ZFHX3: variants seen among roughly 807,000 people sequenced by gnomAD.
ZFHX3 encodes zinc finger homeobox 3, also known as zinc finger homeobox protein 3.
Under a neutral mutation model 279.1 loss-of-function variants are expected in ZFHX3, and 42 were observed. The observed-to-expected ratio is 0.15, with a 90% CI of 0.12 to 0.19. The LOEUF is 0.19. ZFHX3 is among the 10% of genes least tolerant of loss of function. The pLI, the probability that ZFHX3 is intolerant of heterozygous loss-of-function variation, is 1.00. For synonymous variants in ZFHX3, 2,293 were observed against 1,957.8 expected (o/e 1.17, Z -4.52); for missense variants, 4,981 against 4,754.0 (o/e 1.05, Z -1.40).
rs1461987846 is a variant in ZFHX3 at position 72,872,543 on chromosome 16, C to T, written c.3448+17188G>A. ...GGTGATCTTGGCTCACTGCAACCTCCGTCTCCCGGGTTCAAGCAATTCTCA... is the reference window on the plus strand; with the variant it reads ...GGTGATCTTGGCTCACTGCAACCTCTGTCTCCCGGGTTCAAGCAATTCTCA... On this transcript the variant is annotated intron_variant, in intron 4 of 9. Transcript: ENST00000268489. Among the ~76,000 whole-genome samples, 8 of 152,102 alleles carry T rather than the reference C, an allele frequency of 5.3e-5. No homozygotes were observed. The East Asian group carries it at 5.8e-4, about 11-fold the overall frequency.
rs550635995 is a variant in ZFHX3 at position 73,656,637 on chromosome 16, G to A, written c.-1547+23543C>T. 5.3e-5 allele frequency among the ~76,000 whole-genome samples: 8 copies of A among 152,192 alleles called. No homozygotes were observed. In the South Asian group the frequency reaches 1.5e-3, roughly 28 times the overall value. Reference sequence around the variant, plus strand: ...CTGTGTTTTACATAATTTTCTGGTTGTATGCTAAATTTTTCACTTAAAGTA... The same window carrying A: ...CTGTGTTTTACATAATTTTCTGGTTATATGCTAAATTTTTCACTTAAAGTA... On this transcript the variant is annotated intron_variant, in intron 2 of 17. Coordinates refer to the ZFHX3 transcript ENST00000641206.
intron 7 of ZFHX3, among the ~76,000 whole-genome samples, chr16:73,113,743 G>A (rs1966403047): frequency 6.7e-6 from 1 of 149,946 alleles, no homozygotes; most frequent in Non-Finnish European, 1.5e-5. Flanking sequence ...TACATGGGCG[G>A]AAGGTTAAAA....
intron 3 of ZFHX3, among the ~76,000 whole-genome samples, chr16:73,370,703 G>C (rs1176202334): frequency 4.6e-5 from 7 of 152,180 alleles, no homozygotes; most frequent in Non-Finnish European, 1.0e-4. Context: ...ACGGTGCCAT[G>C]CACAGCTCAG....
intron 1 of ZFHX3, among the ~76,000 whole-genome samples, chr16:72,968,720 G>C (rs9923940): frequency 0.4 from 60,046 of 151,928 alleles, 12,274 homozygotes; most frequent in Non-Finnish European, 0.44. Flanking sequence ...ACCTCAGCCT[G>C]TCAAAGTGCT....
intron 5 of ZFHX3, among the ~76,000 whole-genome samples, chr16:73,154,771 T>C (rs1395045874): frequency 6.6e-6 from 1 of 151,930 alleles, no homozygotes; most frequent in Non-Finnish European, 1.5e-5. Context: ...CTACTAAAGA[T>C]GGGTGAAGAA....
At chr16:73,141,022 A>C (rs1403625289) in intron 6 of ZFHX3, among the ~76,000 whole-genome samples, 1 of 152,156 alleles carries the variant, frequency 6.6e-6, no homozygotes, top group Non-Finnish European at 1.5e-5. Flanking sequence ...CCATAGCATA[A>C]TCTTGTAATA....
At chr16:72,951,078 G>A in intron 2 of ZFHX3, 113 bp from the exon 3 acceptor site, 1 of 1,442,894 alleles carries the variant, frequency 6.9e-7, no homozygotes, top group Non-Finnish European at 9.3e-7. Flanking sequence ...AGGAGAAGAT[G>A]ACATTTCAAG....
At chr16:73,697,391 C>G (rs1263980716) in intron 1 of ZFHX3, among the ~76,000 whole-genome samples, 1 of 152,146 alleles carries the variant, frequency 6.6e-6, no homozygotes. Flanking sequence ...AACACAGATG[C>G]AGACTGTTTC....
intron 4 of ZFHX3, among the ~76,000 whole-genome samples, chr16:72,865,251 G>A (rs1314404842): frequency 6.6e-6 from 1 of 152,218 alleles, no homozygotes; most frequent in Non-Finnish European, 1.5e-5. Flanking sequence ...GGACTCAGTT[G>A]AGAACCAGGT....
In ZFHX3 at chr16:72,784,601, A is replaced by AAACTGTAC. The variant is rs1017105438; in HGVS notation, c.*2555_*2562dup. The AAACTGTAC allele has an allele frequency of 6.6e-6, 1 of 152,278 alleles. No homozygotes were observed. Among genetic ancestry groups the AAACTGTAC allele is most frequent in the African/African-American group, 2.4e-5 (1 of 41,438 alleles). The allele number at this position is 152,278 out of a possible 1,614,324, so 9.4% of individuals were successfully genotyped here. A position where few individuals can be genotyped will look rare whatever the true frequency, so the allele number is the denominator to read the frequency against. On this transcript the variant is annotated 3_prime_UTR_variant, in exon 10 of 10. Coordinates refer to ENST00000268489, the MANE Select transcript of ZFHX3 (RefSeq NM_006885.4). ...ACAAGATAAAATAATGGAAAACAAA[A>AAACTGTAC]AACTGTACAACTTTAAAATTTAAAA...
chr16:73,001,978 C>T (rs62053230), intron 1 of ZFHX3, among the ~76,000 whole-genome samples: 21,126 of 152,076 alleles, frequency 0.14, 1,971 homozygotes, highest in Non-Finnish European at 0.2. Flanking sequence ...AGAAAAGCAG[C>T]AAAACTCCCT....
At chr16:73,742,974 G>A (rs1013561965) in intron 1 of ZFHX3, among the ~76,000 whole-genome samples, 4 of 152,162 alleles carry the variant, frequency 2.6e-5, no homozygotes, top group African/African-American at 9.7e-5. Context: ...CTACAATAAT[G>A]TAGGAGGTAG....
intron 3 of ZFHX3, among the ~76,000 whole-genome samples, chr16:72,934,350 C>T (rs1181486000): frequency 6.6e-6 from 1 of 152,154 alleles, no homozygotes; most frequent in Non-Finnish European, 1.5e-5. Flanking sequence ...ATCACTTGAA[C>T]CCGGGAGGCG....
intron 8 of ZFHX3, among the ~76,000 whole-genome samples, chr16:73,085,974 C>A (rs1389809555): frequency 3.0e-5 from 2 of 66,044 alleles, no homozygotes; most frequent in African/African-American, 7.2e-5. Flanking sequence ...GGAACTCAAA[C>A]AACTCAATTG....
intron 2 of ZFHX3, among the ~76,000 whole-genome samples, chr16:73,478,512 G>A (rs2018809289): frequency 6.6e-6 from 1 of 152,150 alleles, no homozygotes; most frequent in Non-Finnish European, 1.5e-5. Flanking sequence ...TATACACCAG[G>A]ATTCCCCTGG....
At chr16:73,238,249 A>G (rs1269173355) in intron 5 of ZFHX3, among the ~76,000 whole-genome samples, 2 of 152,130 alleles carry the variant, frequency 1.3e-5, no homozygotes, top group African/African-American at 2.4e-5. Context: ...TGTTTTGTGT[A>G]ATGTAAAGCC....
intron 4 of ZFHX3, among the ~76,000 whole-genome samples, chr16:73,308,259 ATATATATATATATATATATTTATT>A (rs1224764633): frequency 3.9e-4 from 11 of 28,422 alleles, no homozygotes; most frequent in Non-Finnish European, 6.4e-4. Context: ...ATATATATAT[ATATATATATATATATATATTTATT>A]TATTTATTTT....
At chr16:72,962,142 C>A (rs867613372) in intron 1 of ZFHX3, among the ~76,000 whole-genome samples, 1 of 152,162 alleles carries the variant, frequency 6.6e-6, no homozygotes, top group Admixed American at 6.5e-5. Context: ...CAGGAACATG[C>A]GGGAAGGGGG....
intron 3 of ZFHX3, among the ~76,000 whole-genome samples, chr16:73,440,607 T>G (rs2018075560): frequency 6.6e-6 from 1 of 152,202 alleles, no homozygotes; most frequent in Non-Finnish European, 1.5e-5. Context: ...TGATTCACAG[T>G]GGTGCCTGCC....
Sources: gnomAD v4.1 joint callset for allele counts (sites outside exome capture counted in the v4.1 genomes callset) on GRCh38, gnomAD v4.1.1 for gene constraint, MANE v1.5 for transcripts, NCBI Gene and HGNC (gene_info 2026-07-23, HGNC 2026-07-21) for gene names.